The following DAB1 variants were observed in gnomAD, a reference collection of about 807,000 sequenced individuals.
DAB1 encodes DAB adaptor protein 1, also known as disabled homolog 1.
Under a neutral mutation model 64.6 loss-of-function variants are expected in DAB1, and 15 were observed. The ratio of observed to expected loss-of-function variants is 0.23; its 90% confidence interval spans 0.16 to 0.36. The LOEUF is 0.36. DAB1 is among the 10% of genes least tolerant of loss of function. DAB1 has a pLI of 1.00. For missense variants in DAB1, 596 were observed against 706.7 expected (o/e 0.84, Z 1.78); for synonymous variants, 235 against 251.9 (o/e 0.93, Z 0.64).
chr1:57,997,467 A>C lies in DAB1; in HGVS notation n.388-113305T>G, dbSNP rs184193010. Among the ~76,000 whole-genome samples, 10 of 151,690 alleles carry C rather than the reference A, an allele frequency of 6.6e-5. No homozygotes were observed. In the East Asian group the frequency reaches 1.9e-3, roughly 29 times the overall value. Reference sequence around the variant, plus strand: ...CTCTAAAACTTTTTAATAAACTTTCACTCCTGCTCTTAAACTTGTCTTGGT... The same window carrying C: ...CTCTAAAACTTTTTAATAAACTTTCCCTCCTGCTCTTAAACTTGTCTTGGT... On this transcript the variant is annotated intron_variant and non_coding_transcript_variant, in intron 5 of 20. Transcript: ENST00000485760.
At chr1:57,172,956 T>C (rs1661935089) in intron 2 of DAB1, among the ~76,000 whole-genome samples, 1 of 152,182 alleles carries the variant, frequency 6.6e-6, no homozygotes, top group African/African-American at 2.4e-5. Flanking sequence ...CACTACATAC[T>C]GCTAACCTGA....
intron 4 of DAB1, among the ~76,000 whole-genome samples, chr1:58,197,692 C>T (rs1196024011): frequency 7.4e-6 from 1 of 135,012 alleles, no homozygotes; most frequent in Non-Finnish European, 1.6e-5. Context: ...CCATGCCCAG[C>T]GAGAGTTACA....
At chr1:57,840,528 C>CT (rs1271033495) in intron 1 of DAB1, among the ~76,000 whole-genome samples, 1 of 151,994 alleles carries the variant, frequency 6.6e-6, no homozygotes, top group East Asian at 1.9e-4. Flanking sequence ...CCATAAAGAA[C>CT]TACTTGAGAC....
chr1:57,422,161 A>G (rs1432152178), intron 1 of DAB1, among the ~76,000 whole-genome samples: 1 of 152,214 alleles, frequency 6.6e-6, no homozygotes, highest in Non-Finnish European at 1.5e-5. Context: ...AATTTAATTG[A>G]TATGATTACT....
chr1:57,687,465 C>A (rs1254408291), intron 6 of DAB1, among the ~76,000 whole-genome samples: 1 of 151,838 alleles, frequency 6.6e-6, no homozygotes, highest in African/African-American at 2.4e-5. Flanking sequence ...CCATACTGCC[C>A]AAAGTAATCT....
At chr1:58,169,641 GGA>G (rs1656052418) in intron 4 of DAB1, among the ~76,000 whole-genome samples, 1 of 152,162 alleles carries the variant, frequency 6.6e-6, no homozygotes, top group African/African-American at 2.4e-5. Context: ...TTTCATTGAA[GGA>G]GAATACACAA....
intron 9 of DAB1, among the ~76,000 whole-genome samples, chr1:57,057,827 C>G (rs1176737695): frequency 1.3e-5 from 2 of 151,890 alleles, no homozygotes; most frequent in African/African-American, 2.4e-5. Context: ...CCAGGATGGT[C>G]TCGATCTCCT....
intron 2 of DAB1, among the ~76,000 whole-genome samples, chr1:57,246,545 G>T (rs1668891594): frequency 6.6e-6 from 1 of 152,234 alleles, no homozygotes; most frequent in Non-Finnish European, 1.5e-5. Flanking sequence ...CTAGTGCAGA[G>T]GGAAAAAGTG....
chr1:57,068,977 T>G (rs1651192373), intron 8 of DAB1, among the ~76,000 whole-genome samples: 1 of 152,248 alleles, frequency 6.6e-6, no homozygotes, highest in African/African-American at 2.4e-5. Context: ...AAATTAAATT[T>G]GTGCTTTATT....
chr1:57,047,786 T>C (rs1466898681), intron 9 of DAB1, among the ~76,000 whole-genome samples: 1 of 152,220 alleles, frequency 6.6e-6, no homozygotes. Context: ...CAAGTTACAC[T>C]TGATCTTGTT....
At chr1:58,450,805 G>A (rs990412890) in intron 3 of DAB1, among the ~76,000 whole-genome samples, 1 of 152,214 alleles carries the variant, frequency 6.6e-6, no homozygotes, top group Admixed American at 6.5e-5. Context: ...GAGAAATGTG[G>A]CAGACAAGTC....
At chr1:58,445,923 C>T (rs1404126172) in intron 3 of DAB1, among the ~76,000 whole-genome samples, 1 of 152,074 alleles carries the variant, frequency 6.6e-6, no homozygotes, top group African/African-American at 2.4e-5. Context: ...GTTCTCTCTG[C>T]CATAATAAGA....
intron 5 of DAB1, among the ~76,000 whole-genome samples, chr1:58,043,578 G>A (rs1189945503): frequency 6.6e-6 from 1 of 152,098 alleles, no homozygotes; most frequent in Non-Finnish European, 1.5e-5. Context: ...AAAGCCTTCC[G>A]TGAATCTCAC....
chr1:58,190,815 G>T (rs1175059908), intron 4 of DAB1, among the ~76,000 whole-genome samples: 1 of 152,258 alleles, frequency 6.6e-6, no homozygotes, highest in Non-Finnish European at 1.5e-5. Context: ...AGCGCAGCCA[G>T]TGTAATTAGT....
intron 1 of DAB1, among the ~76,000 whole-genome samples, chr1:57,392,782 C>T (rs535329544): frequency 3.3e-5 from 5 of 152,268 alleles, no homozygotes; most frequent in African/African-American, 1.2e-4. Context: ...AGAAGATCAA[C>T]GTGACTCAAG....
intron 3 of DAB1, among the ~76,000 whole-genome samples, chr1:58,463,711 G>A (rs376747160): frequency 6.6e-6 from 1 of 152,230 alleles, no homozygotes; most frequent in African/African-American, 2.4e-5. Context: ...GCAAAAATGT[G>A]CCTCAATGTC....
chr1:57,719,025 G>A (rs1350725877), intron 6 of DAB1, among the ~76,000 whole-genome samples: 1 of 151,684 alleles, frequency 6.6e-6, no homozygotes, highest in Admixed American at 6.6e-5. Flanking sequence ...CTTTCAGGCT[G>A]GAAATTATGC....
intron 6 of DAB1, among the ~76,000 whole-genome samples, chr1:57,810,075 C>T (rs1363841835): frequency 6.6e-6 from 1 of 152,146 alleles, no homozygotes; most frequent in African/African-American, 2.4e-5. Flanking sequence ...AACTCAGTTG[C>T]CACTGCCATA....
intron 3 of DAB1, among the ~76,000 whole-genome samples, chr1:58,427,325 T>C (rs1357368158): frequency 6.6e-6 from 1 of 152,162 alleles, no homozygotes; most frequent in East Asian, 1.9e-4. Flanking sequence ...TAAGGACTTT[T>C]ATTTTTTCTC....
Sources: allele counts gnomAD v4.1 joint callset (sites outside exome capture counted in the v4.1 genomes callset), GRCh38; gene constraint gnomAD v4.1.1; transcripts MANE v1.5; gene names NCBI Gene and HGNC (gene_info 2026-07-23, HGNC 2026-07-21).